BTN3A3: variants seen among roughly 807,000 people sequenced by gnomAD.
The protein encoded by BTN3A3 is butyrophilin subfamily 3 member A3.
Under a neutral mutation model 43.2 loss-of-function variants are expected in BTN3A3, and 39 were observed. That is an observed-to-expected ratio of 0.90 (90% CI 0.70 to 1.18). BTN3A3 has a LOEUF of 1.18. Ranked by LOEUF, BTN3A3 falls within the 50% of genes most tolerant of loss-of-function variation. The probability of loss-of-function intolerance (pLI) is 0.00; values close to 1 mark genes in which losing one functional copy is unlikely to be tolerated. For synonymous variants in BTN3A3, 255 were observed against 272.7 expected (o/e 0.93, Z 0.64); for missense variants, 631 against 722.8 (o/e 0.87, Z 1.46).
intron 1 of BTN3A3, 161 bp downstream of exon 1, chr6:26,440,809 T>TGCGC (rs1762606928): frequency 7.6e-6 from 1 of 130,964 alleles, no homozygotes; most frequent in Non-Finnish European, 1.7e-5. Context: ...TGTGTGTGTG[T>TGCGC]GTGTGTGCGT....
chr6:26,444,449 C>G, intron 4 of BTN3A3, 145 bp downstream of exon 4: 1 of 1,294,076 alleles, frequency 7.7e-7, no homozygotes. Flanking sequence ...TCTCTGCAAC[C>G]CTTAAGAAAG....
chr6:26,451,874 G>T lies in BTN3A3; in HGVS notation c.1218G>T (p.Glu406Asp). 3.1e-6 allele frequency: 5 copies of T among 1,614,180 alleles called. No individual in the cohort carries two copies. Among genetic ancestry groups the T allele is most frequent in the Non-Finnish European group, 4.2e-6 (5 of 1,180,032 alleles). The change falls in exon 11 of 11, where the codon GAG (glutamate) becomes GAT (aspartate). Residue 406 changes from glutamate to aspartate, a missense_variant. Around this residue, in one of 2 missense-constraint regions of BTN3A3, gnomAD observed 551 missense variants for 584.0 expected, o/e 0.94. Coordinates refer to ENST00000244519, the MANE Select transcript of BTN3A3 (RefSeq NM_006994.5). ...YWEVEVGDRK[E>D]WHIGVCSKNV... Reference sequence around the variant, plus strand: ...AGGTGGAAGTGGGGGACAGAAAAGAGTGGCATATTGGGGTATGTAGTAAGA... The same window carrying T: ...AGGTGGAAGTGGGGGACAGAAAAGATTGGCATATTGGGGTATGTAGTAAGA...
At chr6:26,451,476 C>A (rs1315020473) in intron 10 of BTN3A3, among the ~76,000 whole-genome samples, 199 bp from the exon 11 acceptor site, 2 of 152,086 alleles carry the variant, frequency 1.3e-5, no homozygotes, top group African/African-American at 4.8e-5. Context: ...AGATACTGAC[C>A]TTACTTTCAT....
rs773394310 is a variant in BTN3A3 at position 26,452,222 on chromosome 6, C to T, written c.1566C>T (p.Pro522=). The part of the protein sequence containing the change: ...CPIPKEVESS[P]DPDLVPDHSL... The stretch of plus-strand genomic sequence containing the variant: ...TACCAAAAGAAGTAGAGAGTTCCCC[C>T]GATCCTGACCTAGTGCCTGATCATT... The change falls in exon 11 of 11, where the codon CCC becomes CCT. Residue 522 remains proline, a synonymous_variant. Transcript: ENST00000244519. The T allele has an allele frequency of 5.0e-6, 8 of 1,614,032 alleles. No individual in the cohort carries two copies. The highest frequency in any genetic ancestry group is 4.0e-5 in the African/African-American group (3 of 74,900).
In BTN3A3 at chr6:26,447,563, G is replaced by A. The variant is rs78298255; in HGVS notation, c.716-685G>A. On this transcript the variant is annotated intron_variant, in intron 5 of 10. Transcript: ENST00000244519. ...ATTTTAGTAAACATGGGTTTTCACCGTGTCGGCCAAGCTGGTCTCGACCTC... is the reference window on the plus strand; with the variant it reads ...ATTTTAGTAAACATGGGTTTTCACCATGTCGGCCAAGCTGGTCTCGACCTC... Among the ~76,000 whole-genome samples, 793 of 152,220 alleles carry A rather than the reference G, an allele frequency of 5.2e-3. 5 individuals carry two copies. The highest frequency in any genetic ancestry group is 0.016 in the African/African-American group (660 of 41,544).
At chr6:26,445,542 C>T in intron 4 of BTN3A3, 162 bp from the exon 5 acceptor site, 1 of 849,044 alleles carries the variant, frequency 1.2e-6, no homozygotes, top group Non-Finnish European at 1.8e-6. Flanking sequence ...GGATACTGCA[C>T]TAGCCCATTT....
intron 4 of BTN3A3, chr6:26,445,503 A>G: frequency 1.6e-6 from 1 of 628,988 alleles, no homozygotes; most frequent in Non-Finnish European, 2.7e-6. Flanking sequence ...ATTGGGGTGG[A>G]TGGGAATAGC....
At chr6:26,443,866 T>C in intron 3 of BTN3A3, 91 bp from the exon 4 acceptor site, 1 of 1,592,228 alleles carries the variant, frequency 6.3e-7, no homozygotes, top group Non-Finnish European at 8.6e-7. Flanking sequence ...CTAGGTTCTC[T>C]GTATCTCGCC....
chr6:26,445,641 C>T, intron 4 of BTN3A3, 63 bp from the exon 5 acceptor site: 1 of 1,541,408 alleles, frequency 6.5e-7, no homozygotes, highest in East Asian at 2.3e-5. Flanking sequence ...GCCATTGATT[C>T]CCATTGAGAC....
Position 26,441,220 on chromosome 6 carries a change from T to C in BTN3A3, c.-67+572T>C, listed in dbSNP as rs573731073. ...CAGCTTTTAGGCATCATGTTTTTAA[T>C]GAAGGGCAATTATTTCTCATTTTAA... On this transcript the variant is annotated intron_variant, in intron 1 of 10. Coordinates refer to ENST00000244519, the MANE Select transcript of BTN3A3 (RefSeq NM_006994.5). Among the ~76,000 whole-genome samples, 5 of 152,350 alleles carry C rather than the reference T, an allele frequency of 3.3e-5. No individual in the cohort carries two copies. The South Asian group carries it at 1.0e-3, about 32-fold the overall frequency.
Position 26,443,618 on chromosome 6 carries a change from A to T in BTN3A3, c.44A>T (p.His15Leu). Residue 15 changes from histidine (H) to leucine (L), a missense_variant, in exon 3 of 11, where the codon CAT becomes CTT. Physicochemically the swap from His to Leu is moderately conservative, Grantham distance 99. This residue lies in a region of BTN3A3 where 80 missense variants were observed against 138.7 expected (regional missense o/e 0.58). Coordinates refer to ENST00000244519, the MANE Select transcript of BTN3A3 (RefSeq NM_006994.5). The part of the protein sequence containing the change: ...SSLAFLLLNF[H>L]VSLFLVQLLT... Reference sequence around the variant, plus strand: ...CTGGCTTTCCTTCTGCTCAACTTTCATGTCTCCCTCTTCTTGGTCCAGCTG... The same window carrying T: ...CTGGCTTTCCTTCTGCTCAACTTTCTTGTCTCCCTCTTCTTGGTCCAGCTG... 1.9e-6 allele frequency: 3 copies of T among 1,614,100 alleles called. No individual in the cohort carries two copies. Among genetic ancestry groups the T allele is most frequent in the Non-Finnish European group, 2.5e-6 (3 of 1,180,018 alleles).
intron 9 of BTN3A3, 78 bp downstream of exon 9, chr6:26,449,766 T>C (rs1762878640): frequency 1.3e-6 from 2 of 1,547,262 alleles, no homozygotes; most frequent in Non-Finnish European, 1.8e-6. Context: ...CTGTGACCCA[T>C]TGACGTTCTC....
Position 26,450,149 on chromosome 6 carries a change from T to C in BTN3A3, c.1018+16T>C. 1 of 1,611,970 alleles carries C rather than the reference T, an allele frequency of 6.2e-7. No homozygotes were observed. Among genetic ancestry groups the C allele is most frequent in the Non-Finnish European group, 8.5e-7 (1 of 1,178,054 alleles). ...TTCAAACCTGGTGAGTAAATCACTG[T>C]ATGTTCCCTGGATCAACAACCTGAG... On this transcript the variant is annotated intron_variant, in intron 10 of 10. Transcript: ENST00000244519.
chr6:26,444,042 C>G lies in BTN3A3; in HGVS notation c.171C>G (p.Thr57=), dbSNP rs957481369. 6.2e-7 allele frequency: 1 copy of G among 1,613,836 alleles called. No homozygotes were observed. The highest frequency in any genetic ancestry group is 8.5e-7 in the Non-Finnish European group (1 of 1,179,860). ...ATCTGCCCTGTCACCTGTTCCCGAC[C>G]ATGAGTGCAGAGACCATGGAGCTGA... ...DADLPCHLFP[T]MSAETMELRW... is the part of the protein sequence containing the mutation. The change falls in exon 4 of 11, where the codon ACC becomes ACG. Residue 57 remains threonine, a synonymous_variant. Transcript: ENST00000244519.
In BTN3A3 at chr6:26,448,450, T is replaced by C; in HGVS notation, c.916+2T>C. The C allele has an allele frequency of 6.2e-7, 1 of 1,611,372 alleles. No homozygotes were observed. The highest frequency in any genetic ancestry group is 2.2e-5 in the East Asian group (1 of 44,832). ...CAGAGCAAGAAATAAGCCTAAGAGG[T>C]ATCCAACGCAAGCAGAGAATCTAAG... On this transcript the variant is annotated splice_donor_variant, in intron 6 of 10. Coordinates refer to ENST00000244519, the MANE Select transcript of BTN3A3 (RefSeq NM_006994.5). LOFTEE classifies it high-confidence loss of function.
In BTN3A3 at chr6:26,443,371, T is replaced by C. The variant is rs1762690761; in HGVS notation, c.-66-11T>C. 1 of 1,265,916 alleles carries C rather than the reference T, an allele frequency of 7.9e-7. No individual in the cohort carries two copies. The allele number at this position is 1,265,916 out of a possible 1,614,324, so 78.4% of individuals were successfully genotyped here. ...GATGTCCTGATCAGATAACAGATAT[T>C]ATTTTTACAGATGGTTTTCCATACT... On this transcript the variant is annotated splice_polypyrimidine_tract_variant and intron_variant, in intron 1 of 10. Coordinates refer to ENST00000244519, the MANE Select transcript of BTN3A3 (RefSeq NM_006994.5).
chr6:26,451,545 T>C (rs1762929942), intron 10 of BTN3A3, 130 bp from the exon 11 acceptor site: 3 of 1,462,656 alleles, frequency 2.1e-6, no homozygotes. Flanking sequence ...GAGAGAGTCA[T>C]ATTTAGAGCA....
At chr6:26,446,159 C>T (rs1054726466) in intron 5 of BTN3A3, among the ~76,000 whole-genome samples, 174 bp downstream of exon 5, 3 of 152,274 alleles carry the variant, frequency 2.0e-5, no homozygotes, top group Non-Finnish European at 2.9e-5. Flanking sequence ...AGCTTCCCCA[C>T]GCCACAAAGC....
Position 26,452,392 on chromosome 6 carries a change from G to T in BTN3A3, c.1736G>T (p.Arg579Leu). Residue 579 changes from arginine to leucine, a missense_variant, in exon 11 of 11, where the codon CGC becomes CTC. Arg to Leu is a moderately radical substitution (Grantham distance 102). Around this residue, in one of 2 missense-constraint regions of BTN3A3, gnomAD observed 551 missense variants for 584.0 expected, o/e 0.94. Coordinates refer to ENST00000244519, the MANE Select transcript of BTN3A3 (RefSeq NM_006994.5). ...AATCAGAACCATAAGCTACAGGCAC[G>T]CACTGAAGCACTTTACTGATATTCA... The part of the protein sequence containing the change: ...TTNQNHKLQA[R>L]TEALY 2 of 1,600,428 alleles carry T rather than the reference G, an allele frequency of 1.2e-6. No homozygotes were observed. Among genetic ancestry groups the T allele is most frequent in the African/African-American group, 2.7e-5 (2 of 74,864 alleles).
Sources: allele counts gnomAD v4.1 joint callset (sites outside exome capture counted in the v4.1 genomes callset), GRCh38; gene constraint gnomAD v4.1.1; regional missense constraint gnomAD v4.1.1; transcripts MANE v1.5; gene names NCBI Gene and HGNC (gene_info 2026-07-23, HGNC 2026-07-21).